Variants in CD300LG observed in about 807,000 individuals in gnomAD.
CD300LG encodes the protein CD300 molecule like family member g, also known as CMRF35-like molecule 9.
In CD300LG, 29 loss-of-function variants were observed where a neutral mutation model predicts 31.5. The observed-to-expected ratio is 0.92, with a 90% confidence interval of 0.68 to 1.25. The LOEUF (loss-of-function observed/expected upper bound fraction) is 1.25, where lower values mean the gene tolerates loss of function less well. Among genes scored for constraint, CD300LG ranks in the 50% most tolerant of loss-of-function variants. CD300LG has a pLI of 0.00. For missense variants in CD300LG, 396 were observed against 417.6 expected (o/e 0.95, Z 0.45); for synonymous variants, 175 against 177.2 (o/e 0.99, Z 0.10).
Position 43,860,235 on chromosome 17 carries a change from A to T in CD300LG, c.886-1563A>T, listed in dbSNP as rs2046624625. The stretch of plus-strand genomic sequence containing the variant: ...GGTCTGCAGTCAGACAGTCTCCAGT[A>T]TGAGTCCCAGCTCAGCCATGTGCCA... On this transcript the variant is annotated intron_variant, in intron 6 of 6. Coordinates refer to ENST00000317310, the MANE Select transcript of CD300LG (RefSeq NM_145273.4). Among the ~76,000 whole-genome samples the T allele has an allele frequency of 2.0e-5, 3 of 152,176 alleles. No individual in the cohort carries two copies. In the South Asian group the frequency reaches 6.2e-4, roughly 32 times the overall value.
At chr17:43,857,004 C>A in intron 5 of CD300LG, 100 bp from the exon 6 acceptor site, 1 of 1,199,344 alleles carries the variant, frequency 8.3e-7, no homozygotes, top group South Asian at 1.2e-5. Context: ...AGCCCCTGCT[C>A]CCGTGTGCAA....
chr17:43,857,840 T>C lies in CD300LG; in HGVS notation c.885+684T>C, dbSNP rs541191545. 1.7e-4 allele frequency: 261 copies of C among 1,537,106 alleles called. 1 individual carries two copies. Among genetic ancestry groups the C allele is most frequent in the Non-Finnish European group, 2.2e-4 (252 of 1,146,916 alleles). The stretch of plus-strand genomic sequence containing the variant: ...TGCCTTGGCTCTGAGACCAAGGTGG[T>C]GTGGCTGCTCTGGGACCCAGGCTGA... On this transcript the variant is annotated intron_variant, in intron 6 of 6. Transcript: ENST00000317310.
chr17:43,849,505 G>A (rs1856216762), intron 2 of CD300LG: 1 of 153,986 alleles, frequency 6.5e-6, no homozygotes, highest in Admixed American at 6.4e-5. Context: ...TGGAGCTATG[G>A]GGCCTGGGTA....
intron 2 of CD300LG, among the ~76,000 whole-genome samples, chr17:43,852,449 C>G (rs895277891): frequency 6.6e-6 from 1 of 152,066 alleles, no homozygotes; most frequent in Non-Finnish European, 1.5e-5. Flanking sequence ...CCTGACCTCA[C>G]GTGATCCACC....
At chr17:43,856,397 C>T (rs942506232) in intron 5 of CD300LG, among the ~76,000 whole-genome samples, 3 of 152,222 alleles carry the variant, frequency 2.0e-5, no homozygotes, top group African/African-American at 7.2e-5. Context: ...TCTTGCTTAT[C>T]CCCTTTAATC....
chr17:43,848,954 G>T, intron 2 of CD300LG, 61 bp downstream of exon 2: 2 of 1,434,018 alleles, frequency 1.4e-6, no homozygotes, highest in Admixed American at 1.8e-5. Flanking sequence ...AGAGGGAGGG[G>T]TGGTGGGGCA....
Position 43,851,922 on chromosome 17 carries a change from G to A in CD300LG, c.380-990G>A, listed in dbSNP as rs185470846. ...TTAGCGCCACTGGAGGCACGCACAG[G>A]GGACTGTGAGTGCACAGAGGAAAAA... On this transcript the variant is annotated intron_variant, in intron 2 of 6. Coordinates refer to ENST00000317310, the MANE Select transcript of CD300LG (RefSeq NM_145273.4). 7.0e-4 allele frequency among the ~76,000 whole-genome samples: 107 copies of A among 152,160 alleles called. 1 individual carries two copies. Among genetic ancestry groups the A allele is most frequent in the African/African-American group, 2.3e-3 (95 of 41,506 alleles).
Position 43,854,036 on chromosome 17 carries a change from T to C in CD300LG, c.711T>C (p.Ser237=). Residue 237 remains serine, a synonymous_variant, in exon 4 of 7, where the codon TCT becomes TCC. Coordinates refer to ENST00000317310, the MANE Select transcript of CD300LG (RefSeq NM_145273.4). ...GTCCAGCTCTCAGCAGTGGCAGCTC[T>C]AAGCCCAGGTGAGCCCCAGGTGACC... ...DTSPALSSGS[S]KPRVSIPMVR... is the part of the protein sequence containing the mutation. 6.2e-7 allele frequency: 1 copy of C among 1,613,040 alleles called. No individual in the cohort carries two copies. Among genetic ancestry groups the C allele is most frequent in the Non-Finnish European group, 8.5e-7 (1 of 1,179,042 alleles).
chr17:43,848,233 C>T (rs1337440068), intron 1 of CD300LG, among the ~76,000 whole-genome samples: 1 of 151,936 alleles, frequency 6.6e-6, no homozygotes, highest in East Asian at 1.9e-4. Context: ...CAAAGTGAGA[C>T]TCCATCTCAA....
chr17:43,860,816 T>C (rs1030496138), intron 6 of CD300LG, among the ~76,000 whole-genome samples: 1 of 152,296 alleles, frequency 6.6e-6, no homozygotes, highest in South Asian at 2.1e-4. Flanking sequence ...TGAAAACAAA[T>C]AAGTCATTCC....
intron 2 of CD300LG, among the ~76,000 whole-genome samples, chr17:43,851,100 C>G (rs1443222928): frequency 1.4e-5 from 2 of 139,208 alleles, no homozygotes; most frequent in Non-Finnish European, 3.0e-5. Flanking sequence ...TGCCACTGCA[C>G]TCCAGCCTGG....
chr17:43,852,207 CT>C (rs761143811), intron 2 of CD300LG, among the ~76,000 whole-genome samples: 472 of 138,534 alleles, frequency 3.4e-3, no homozygotes, highest in Middle Eastern at 3.6e-3. Context: ...TTGTTCTTTG[CT>C]TTTTTTTTTT....
chr17:43,856,606 T>G (rs927545521), intron 5 of CD300LG, among the ~76,000 whole-genome samples: 2 of 152,090 alleles, frequency 1.3e-5, no homozygotes, highest in Non-Finnish European at 2.9e-5. Context: ...GGAGGAAATG[T>G]GGGCTTTGTC....
chr17:43,854,193 G>A (rs909411438), intron 4 of CD300LG, 149 bp downstream of exon 4: 2 of 656,068 alleles, frequency 3.0e-6, no homozygotes, highest in Admixed American at 2.8e-5. Flanking sequence ...CCCTCACAGG[G>A]GCCCTTGAGC....
At chr17:43,858,121 C>T (rs982526587) in intron 6 of CD300LG, 2 of 1,336,382 alleles carry the variant, frequency 1.5e-6, no homozygotes, top group Non-Finnish European at 1.9e-6. Flanking sequence ...CTACCATTGC[C>T]TTCTTTCCTG....
chr17:43,853,109 C>A, intron 3 of CD300LG, 96 bp downstream of exon 3: 1 of 1,018,360 alleles, frequency 9.8e-7, no homozygotes, highest in Non-Finnish European at 1.5e-6. Context: ...AGTTTATGGC[C>A]ACCTAGGTGT....
intron 6 of CD300LG, chr17:43,858,326 C>T: frequency 1.0e-6 from 1 of 999,244 alleles, no homozygotes; most frequent in African/African-American, 1.7e-5. Context: ...CACTGGCCAC[C>T]TCCAAGCCCG....
Position 43,849,121 on chromosome 17 carries a change from G to A in CD300LG, c.379+228G>A, listed in dbSNP as rs899253650. ...ACACCAGTAGTAGATGTCAGAGCAGGACCGGACCCAGATCTGTCCAGGGCT... is the reference window on the plus strand; with the variant it reads ...ACACCAGTAGTAGATGTCAGAGCAGAACCGGACCCAGATCTGTCCAGGGCT... On this transcript the variant is annotated intron_variant, in intron 2 of 6. Coordinates refer to ENST00000317310, the MANE Select transcript of CD300LG (RefSeq NM_145273.4). 8.4e-6 allele frequency: 5 copies of A among 598,528 alleles called. No individual in the cohort carries two copies. The African/African-American group carries it at 9.3e-5, about 11-fold the overall frequency. The allele number at this position is 598,528 out of a possible 1,614,324, so 37.1% of individuals were successfully genotyped here. A position where few individuals can be genotyped will look rare whatever the true frequency, so the allele number is the denominator to read the frequency against.
chr17:43,858,905 C>T (rs1412156708), intron 6 of CD300LG, among the ~76,000 whole-genome samples: 2 of 150,914 alleles, frequency 1.3e-5, no homozygotes, highest in Non-Finnish European at 2.9e-5. Flanking sequence ...TCCATCCATT[C>T]GTCTGCCTCA....
Sources: allele counts gnomAD v4.1 joint callset (sites outside exome capture counted in the v4.1 genomes callset), GRCh38; gene constraint gnomAD v4.1.1; transcripts MANE v1.5; gene names NCBI Gene and HGNC (gene_info 2026-07-23, HGNC 2026-07-21).